MPPED2: variants seen among roughly 807,000 people sequenced by gnomAD.
MPPED2 encodes the protein metallophosphoesterase MPPED2.
A neutral mutation model predicts 33.0 loss-of-function variants in MPPED2; 5 were observed. The observed-to-expected ratio is 0.15, with a 90% CI of 0.08 to 0.32. MPPED2 has a LOEUF of 0.32. Ranked by LOEUF, MPPED2 falls within the 10% of genes least tolerant of loss-of-function variation. The pLI, the probability that MPPED2 is intolerant of heterozygous loss-of-function variation, is 1.00. For missense variants in MPPED2, 275 were observed against 372.1 expected, an observed-to-expected ratio of 0.74 and a Z score of 2.15; for synonymous variants, 136 against 141.9, an observed-to-expected ratio of 0.96 and a Z score of 0.29.
At chr11:30,509,417 A>G (rs1262295267) in intron 3 of MPPED2, among the ~76,000 whole-genome samples, 1 of 152,224 alleles carries the variant, frequency 6.6e-6, no homozygotes, top group Non-Finnish European at 1.5e-5. Flanking sequence ...AGGAGTAATC[A>G]ATAGATGGAG....
chr11:30,403,033 C>T (rs1330198274), intron 6 of MPPED2, among the ~76,000 whole-genome samples: 1 of 152,112 alleles, frequency 6.6e-6, no homozygotes, highest in Non-Finnish European at 1.5e-5. Context: ...ATCACAAGGT[C>T]AGGAGATCGA....
At chr11:30,506,229 G>C (rs1417546982) in intron 3 of MPPED2, among the ~76,000 whole-genome samples, 2 of 152,030 alleles carry the variant, frequency 1.3e-5, no homozygotes, top group African/African-American at 2.4e-5. Flanking sequence ...AGTAGAGACA[G>C]GGTTTCGCAA....
At chr11:30,581,683 C>T (rs1414736581) in intron 1 of MPPED2, among the ~76,000 whole-genome samples, 1 of 152,196 alleles carries the variant, frequency 6.6e-6, no homozygotes, top group African/African-American at 2.4e-5. Flanking sequence ...GATGGCCTGC[C>T]ATAGGCCATT....
At chr11:30,543,246 C>T (rs1438460361) in intron 2 of MPPED2, among the ~76,000 whole-genome samples, 1 of 152,160 alleles carries the variant, frequency 6.6e-6, no homozygotes, top group East Asian at 1.9e-4. Flanking sequence ...ATTTTGCTTC[C>T]ACATACAGGT....
At chr11:30,443,946 G>GT (rs1949692773) in intron 4 of MPPED2, among the ~76,000 whole-genome samples, 1 of 152,196 alleles carries the variant, frequency 6.6e-6, no homozygotes, top group African/African-American at 2.4e-5. Context: ...AATGCAAATT[G>GT]TTAAGGGATA....
chr11:30,417,716 C>T (rs1057083156), intron 4 of MPPED2, 83 bp from the exon 5 acceptor site: 1 of 789,724 alleles, frequency 1.3e-6, no homozygotes. Flanking sequence ...CACATTCCCC[C>T]ACGGTTTGCA....
At chr11:30,500,675 G>A (rs187387151) in intron 3 of MPPED2, among the ~76,000 whole-genome samples, 102 of 152,266 alleles carry the variant, frequency 6.7e-4, no homozygotes, top group Non-Finnish European at 2.6e-4. Context: ...ATCAGTGCAC[G>A]TTCACTATTA....
chr11:30,480,046 T>C (rs1049500074), intron 4 of MPPED2, among the ~76,000 whole-genome samples: 3 of 152,096 alleles, frequency 2.0e-5, no homozygotes, highest in African/African-American at 7.2e-5. Flanking sequence ...GGGAGGGTGT[T>C]GGTGTAATGT....
chr11:30,417,569 T>C lies in MPPED2; in HGVS notation c.601A>G (p.Asn201Asp). Reference protein sequence around the residue: ...PRGQSLLDKWNLIPEGIDILM... With the variant: ...PRGQSLLDKWDLIPEGIDILM... ...ATGTCAATGCCCTCAGGGATGAGGT[T>C]CCACTTGTCCAGCAGAGACTGACCT... The change falls in exon 5 of 7, where the codon AAC (asparagine) becomes GAC (aspartate). Residue 201 changes from asparagine to aspartate, a missense_variant. By Grantham distance (23) the Asn-to-Asp change is conservative. Coordinates refer to ENST00000358117, the MANE Select transcript of MPPED2 (RefSeq NM_001584.3). 1 of 1,613,438 alleles carries C rather than the reference T, an allele frequency of 6.2e-7. No individual in the cohort carries two copies. Among genetic ancestry groups the C allele is most frequent in the Non-Finnish European group, 8.5e-7 (1 of 1,179,584 alleles).
At chr11:30,491,507 A>G (rs951564915) in intron 4 of MPPED2, among the ~76,000 whole-genome samples, 2 of 152,352 alleles carry the variant, frequency 1.3e-5, no homozygotes, top group African/African-American at 4.8e-5. Context: ...ACACATCACT[A>G]TTAGTAGTAA....
intron 4 of MPPED2, among the ~76,000 whole-genome samples, chr11:30,453,354 C>A (rs1378061940): frequency 6.6e-6 from 1 of 152,168 alleles, no homozygotes; most frequent in East Asian, 1.9e-4. Flanking sequence ...CTCAAGCTAT[C>A]CTTCAATTTA....
chr11:30,384,474 C>CTT (rs200252636), downstream of MPPED2: 16 of 131,344 alleles, frequency 1.2e-4, no homozygotes, highest in East Asian at 2.2e-4. Flanking sequence ...TTTCTTTTTT[C>CTT]TTTTTTTTTT....
intron 4 of MPPED2, among the ~76,000 whole-genome samples, chr11:30,428,369 G>T (rs1948935815): frequency 6.6e-6 from 1 of 152,112 alleles, no homozygotes; most frequent in South Asian, 2.1e-4. Flanking sequence ...GGGAAAAACA[G>T]TCTACATAAA....
At chr11:30,572,938 A>G (rs1199881091) in intron 2 of MPPED2, among the ~76,000 whole-genome samples, 2 of 152,224 alleles carry the variant, frequency 1.3e-5, no homozygotes, top group East Asian at 3.8e-4. Flanking sequence ...GATGATGCTA[A>G]GACCATTACG....
chr11:30,477,304 T>G (rs1455457939), intron 4 of MPPED2, among the ~76,000 whole-genome samples: 1 of 152,118 alleles, frequency 6.6e-6, no homozygotes, highest in Non-Finnish European at 1.5e-5. Context: ...ATCTTGTTTC[T>G]GATCTTAGTG....
chr11:30,497,574 C>A (rs1383975295), intron 3 of MPPED2, among the ~76,000 whole-genome samples: 1 of 152,158 alleles, frequency 6.6e-6, no homozygotes, highest in Non-Finnish European at 1.5e-5. Flanking sequence ...TATGTGCCAC[C>A]GCTCTTGCAG....
At chr11:30,417,479 G>C (rs1359692458) in intron 5 of MPPED2, 39 bp downstream of exon 5, 2 of 1,142,924 alleles carry the variant, frequency 1.7e-6, no homozygotes, top group South Asian at 2.5e-5. Context: ...TGGAAAAAAA[G>C]GCATCTGGAT....
chr11:30,544,871 G>GA (rs951132224), intron 2 of MPPED2, among the ~76,000 whole-genome samples: 4 of 152,130 alleles, frequency 2.6e-5, no homozygotes, highest in African/African-American at 4.8e-5. Flanking sequence ...TAGGAGCTCA[G>GA]AAAAAAGACG....
rs556751976 is a variant in MPPED2, at chr11:30,466,468, C to T, written c.536+28828G>A. On this transcript the variant is annotated intron_variant, in intron 4 of 6. Transcript: ENST00000358117. ...TGGAGGCCAGGAGCACCCTGACATC[C>T]GGTCCAATGGTGGGCTGTCCAGCTG... is the stretch of plus-strand genomic sequence containing the variant. Among the ~76,000 whole-genome samples the T allele has an allele frequency of 2.0e-4, 30 of 152,312 alleles. No individual in the cohort carries two copies. The East Asian group carries it at 4.6e-3, about 23-fold the overall frequency.
Sources: gnomAD v4.1 joint callset for allele counts (sites outside exome capture counted in the v4.1 genomes callset) on GRCh38, gnomAD v4.1.1 for gene constraint, MANE v1.5 for transcripts, NCBI Gene and HGNC (gene_info 2026-07-23, HGNC 2026-07-21) for gene names.